ARID1B: variants seen among roughly 807,000 people sequenced by gnomAD.
ARID1B encodes the protein AT-rich interaction domain 1B.
In ARID1B, 30 loss-of-function variants were observed where a neutral mutation model predicts 212.3. That is an observed-to-expected ratio of 0.14 (90% CI 0.11 to 0.19). ARID1B has a LOEUF of 0.19. ARID1B is among the 10% of genes least tolerant of loss of function. ARID1B has a pLI of 1.00. For synonymous variants in ARID1B, 1,402 were observed against 1,301.7 expected (o/e 1.08, Z -1.66); for missense variants, 2,891 against 3,204.0 (o/e 0.90, Z 2.36).
intron 1 of ARID1B, among the ~76,000 whole-genome samples, chr6:156,808,916 T>G (rs1781370192): frequency 6.6e-6 from 1 of 152,228 alleles, no homozygotes; most frequent in Non-Finnish European, 1.5e-5. Context: ...TCTTAAGATT[T>G]GTACACACGA....
At chr6:156,927,650 C>G (rs188909324) in intron 3 of ARID1B, among the ~76,000 whole-genome samples, 288 of 152,356 alleles carry the variant, frequency 1.9e-3, no homozygotes, top group Admixed American at 2.7e-3. Flanking sequence ...TTCTGTAGCA[C>G]ATTTACCAGG....
At chr6:156,878,976 A>G (rs1230035138) in intron 2 of ARID1B, among the ~76,000 whole-genome samples, 1 of 152,164 alleles carries the variant, frequency 6.6e-6, no homozygotes, top group Non-Finnish European at 1.5e-5. Flanking sequence ...AGGTAAGGAA[A>G]CTGCTGGACA....
rs541477699 is a variant in ARID1B, at chr6:156,935,454, G to GT, written c.2137-3dup. On this transcript the variant is annotated splice_polypyrimidine_tract_variant and intron_variant, in intron 3 of 19. Coordinates refer to ENST00000636930, the MANE Select transcript of ARID1B (RefSeq NM_001374828.1). ...TATTTATGAAGTGCTTTGTGTTTGT[G>GT]TTTTTTTTTAGGACATGTCTCAGGA... The GT allele has an allele frequency of 5.1e-3, 7,924 of 1,543,994 alleles. 45 individuals carry two copies. Among genetic ancestry groups the GT allele is most frequent in the South Asian group, 0.024 (2,049 of 86,718 alleles).
At chr6:156,935,882 C>A (rs1366983243) in intron 4 of ARID1B, 1 of 288,952 alleles carries the variant, frequency 3.5e-6, no homozygotes, top group Non-Finnish European at 6.5e-6. Context: ...TAGGCTGTTG[C>A]TTTTTGGCAG....
At chr6:156,864,716 G>C (rs987972021) in intron 2 of ARID1B, among the ~76,000 whole-genome samples, 5 of 152,056 alleles carry the variant, frequency 3.3e-5, no homozygotes, top group Non-Finnish European at 5.9e-5. Context: ...TGCTGTCCCC[G>C]CTGGAAGATG....
chr6:157,110,185 G>C (rs1434190737), intron 5 of ARID1B, among the ~76,000 whole-genome samples: 1 of 152,200 alleles, frequency 6.6e-6, no homozygotes, highest in Non-Finnish European at 1.5e-5. Context: ...ATGCATTGCA[G>C]AAGTGTGTGT....
chr6:156,969,436 C>G (rs1562518697), intron 4 of ARID1B, among the ~76,000 whole-genome samples: 1 of 152,118 alleles, frequency 6.6e-6, no homozygotes. Flanking sequence ...CTTAAGACAA[C>G]CAGCTAGAGG....
chr6:156,941,732 C>T (rs193210185), intron 4 of ARID1B: 1 of 152,260 alleles, frequency 6.6e-6, no homozygotes, highest in Admixed American at 6.5e-5. Flanking sequence ...AAACAATCTT[C>T]CATTTAAATA....
chr6:157,155,401 TCCTTTGCTGTC>T (rs1445024571), intron 8 of ARID1B, among the ~76,000 whole-genome samples: 2 of 152,018 alleles, frequency 1.3e-5, no homozygotes, highest in African/African-American at 4.8e-5. Context: ...GCACTACTGT[TCCTTTGCTGTC>T]CCTGAGAGAG....
chr6:156,785,828 T>C (rs939081303), intron 1 of ARID1B, among the ~76,000 whole-genome samples: 9 of 152,256 alleles, frequency 5.9e-5, no homozygotes, highest in Non-Finnish European at 1.2e-4. Flanking sequence ...AGGATGCTAA[T>C]GGTTTTTTTG....
At chr6:157,080,496 T>C (rs574559716) in intron 4 of ARID1B, among the ~76,000 whole-genome samples, 11 of 152,350 alleles carry the variant, frequency 7.2e-5, no homozygotes, top group African/African-American at 2.4e-4. Context: ...TTATACTTAA[T>C]ATCTATTTCA....
intron 8 of ARID1B, among the ~76,000 whole-genome samples, chr6:157,162,989 G>C (rs531814655): frequency 1.3e-5 from 2 of 152,324 alleles, no homozygotes; most frequent in South Asian, 2.1e-4. Flanking sequence ...AAGGGTCTGG[G>C]GGGAGGCTTT....
chr6:157,118,034 T>C (rs1787444915), intron 6 of ARID1B, among the ~76,000 whole-genome samples: 1 of 152,230 alleles, frequency 6.6e-6, no homozygotes, highest in Admixed American at 6.5e-5. Context: ...GATAGAAATA[T>C]GTAAAATTTT....
At chr6:157,099,931 C>T (rs1347350123) in intron 5 of ARID1B, among the ~76,000 whole-genome samples, 2 of 152,104 alleles carry the variant, frequency 1.3e-5, no homozygotes, top group African/African-American at 4.8e-5. Context: ...AGTCAGATAG[C>T]CTCTGAAGTG....
chr6:156,792,296 C>A (rs141863059), intron 1 of ARID1B, among the ~76,000 whole-genome samples: 3 of 151,934 alleles, frequency 2.0e-5, no homozygotes, highest in African/African-American at 4.8e-5. Context: ...CCTATGCAGC[C>A]CCCCCTTTTT....
intron 13 of ARID1B, chr6:157,186,353 A>G: frequency 2.2e-6 from 1 of 452,788 alleles, no homozygotes; most frequent in Non-Finnish European, 4.6e-6. Flanking sequence ...CATTCTTCTC[A>G]GTAGTCCAGA....
At chr6:157,147,245 CGT>C (rs1330066111) in intron 7 of ARID1B, among the ~76,000 whole-genome samples, 30 of 1,400 alleles carry the variant, frequency 0.021, 7 homozygotes, top group African/African-American at 0.041. Flanking sequence ...CCCTGCCGTC[CGT>C]CCCCCACCCC....
At position 157,026,620 on chromosome 6, in the gene ARID1B, A is replaced by G. The variant is rs372102355; in HGVS notation, c.2248-58042A>G. 3.6e-4 allele frequency among the ~76,000 whole-genome samples: 55 copies of G among 152,220 alleles called. 1 individual carries two copies. In the South Asian group the frequency reaches 0.011, roughly 30 times the overall value. On this transcript the variant is annotated intron_variant, in intron 4 of 19. Transcript: ENST00000636930. ...AAGCCTCATGAATCCTCAGAGACCT[A>G]TTTCTTAGGTGAGTAGAGGAGTGTT...
chr6:156,887,750 A>G lies in ARID1B; in HGVS notation c.1987-13626A>G, dbSNP rs114875434. Among the ~76,000 whole-genome samples the G allele has an allele frequency of 5.6e-3, 841 of 150,556 alleles. 8 individuals are homozygous for G. The highest frequency in any genetic ancestry group is 0.02 in the African/African-American group (804 of 41,182). On this transcript the variant is annotated intron_variant, in intron 2 of 19. Coordinates refer to ENST00000636930, the MANE Select transcript of ARID1B (RefSeq NM_001374828.1). ...ACCGCATAATCTCACCTCACCCCCAATTCTTTCATTTGAAAAAAAAAGAAG... is the reference window on the plus strand; with the variant it reads ...ACCGCATAATCTCACCTCACCCCCAGTTCTTTCATTTGAAAAAAAAAGAAG...
Sources: gnomAD v4.1 joint callset for allele counts (sites outside exome capture counted in the v4.1 genomes callset) on GRCh38, gnomAD v4.1.1 for gene constraint, MANE v1.5 for transcripts, NCBI Gene and HGNC (gene_info 2026-07-23, HGNC 2026-07-21) for gene names.